The following MARS1 variants were observed in gnomAD, a reference collection of about 807,000 sequenced individuals.
MARS1 encodes the protein methionine--tRNA ligase, cytoplasmic.
Under a neutral mutation model 119.5 loss-of-function variants are expected in MARS1, and 80 were observed. The ratio of observed to expected loss-of-function variants is 0.67; its 90% confidence interval spans 0.56 to 0.81. The LOEUF (loss-of-function observed/expected upper bound fraction) is 0.81, where lower values mean the gene tolerates loss of function less well. Among genes scored for constraint, MARS1 ranks in the 30% least tolerant of loss-of-function variants. The probability of loss-of-function intolerance (pLI) is 0.00; values close to 1 mark genes in which losing one functional copy is unlikely to be tolerated. For missense variants in MARS1, 945 were observed against 1,116.5 expected (o/e 0.85, Z 2.19); for synonymous variants, 418 against 433.4 (o/e 0.96, Z 0.44).
intron 1 of MARS1, chr12:57,488,559 T>C: frequency 6.5e-7 from 1 of 1,549,594 alleles, no homozygotes. Flanking sequence ...TTTGTGTTCT[T>C]AGGAAATCCC....
intron 7 of MARS1, 123 bp from the exon 8 acceptor site, chr12:57,498,034 A>T: frequency 1.4e-6 from 1 of 703,980 alleles, no homozygotes; most frequent in Non-Finnish European, 2.6e-6. Context: ...GTGCAGAAAG[A>T]CTTCAAGTGT....
rs1877734496 is a variant in MARS1 at position 57,515,211 on chromosome 12, C to T, written c.2266C>T (p.Leu756Phe). The T allele has an allele frequency of 6.2e-7, 1 of 1,614,222 alleles. No homozygotes were observed. Among genetic ancestry groups the T allele is most frequent in the Middle Eastern group, 1.6e-4 (1 of 6,062 alleles). The change falls in exon 18 of 21, where the codon CTT becomes TTT. Residue 756 changes from leucine to phenylalanine, a missense_variant. Coordinates refer to ENST00000262027, the MANE Select transcript of MARS1 (RefSeq NM_004990.4). ...TATAGCTGCCTTGCTCTCTGTCATGCTTCAGCCTTACATGCCCACGGTTAG... is the reference window on the plus strand; with the variant it reads ...TATAGCTGCCTTGCTCTCTGTCATGTTTCAGCCTTACATGCCCACGGTTAG... ...VNIAALLSVM[L>F]QPYMPTVSAT...
intron 4 of MARS1, 107 bp from the exon 5 acceptor site, chr12:57,489,789 A>T: frequency 8.8e-7 from 1 of 1,138,300 alleles, no homozygotes; most frequent in South Asian, 1.3e-5. Context: ...TAAAGTGCTT[A>T]ATACAGTGCT....
chr12:57,506,001 C>G (rs1877163273), intron 11 of MARS1, among the ~76,000 whole-genome samples: 1 of 151,592 alleles, frequency 6.6e-6, no homozygotes, highest in African/African-American at 2.4e-5. Flanking sequence ...ACGCGTTAAT[C>G]CTAACATTTT....
chr12:57,488,596 G>A (rs1221050644), intron 1 of MARS1: 1 of 1,550,938 alleles, frequency 6.4e-7, no homozygotes, highest in Admixed American at 2.0e-5. Context: ...ACACACACAC[G>A]TTCCTTTCTG....
In MARS1 at chr12:57,503,564, T is replaced by C. The variant is rs557383932; in HGVS notation, c.1294-661T>C. On this transcript the variant is annotated intron_variant, in intron 10 of 20. Coordinates refer to ENST00000262027, the MANE Select transcript of MARS1 (RefSeq NM_004990.4). ...GTGTCTTTTTCCTTTTTTTTTTTTT[T>C]GAGACAGAGTCTGCTCTGTCAGCAG... Among the ~76,000 whole-genome samples the C allele has an allele frequency of 2.9e-3, 447 of 151,540 alleles. 2 individuals are homozygous for C. Among genetic ancestry groups the C allele is most frequent in the African/African-American group, 0.011 (436 of 41,328 alleles).
In MARS1 at chr12:57,500,233, A is replaced by T. The variant is rs370202994; in HGVS notation, c.1092-88A>T. Reference sequence around the variant, plus strand: ...CTTCTGCCTGATTTCTTTGTCACTGAGTTTGGGTCCCTGGTTGGAGTGGCA... The same window carrying T: ...CTTCTGCCTGATTTCTTTGTCACTGTGTTTGGGTCCCTGGTTGGAGTGGCA... On this transcript the variant is annotated intron_variant, in intron 9 of 20. Transcript: ENST00000262027. The T allele has an allele frequency of 1.2e-4, 130 of 1,055,498 alleles. No individual in the cohort carries two copies. The African/African-American group carries it at 1.6e-3, about 13-fold the overall frequency. 65.4% of individuals were successfully genotyped at this position (1,055,498 alleles called of 1,614,324 possible).
chr12:57,507,717 A>C (rs1417358446), intron 11 of MARS1, among the ~76,000 whole-genome samples: 8 of 50,770 alleles, frequency 1.6e-4, no homozygotes, highest in Non-Finnish European at 2.3e-4. Context: ...CTGGCCCCCC[A>C]CCTCCCTCCC....
intron 11 of MARS1, among the ~76,000 whole-genome samples, chr12:57,504,835 C>T (rs1877106293): frequency 6.6e-6 from 1 of 151,054 alleles, no homozygotes; most frequent in African/African-American, 2.4e-5. Context: ...TCCAGAATAG[C>T]TGGGATTACA....
rs1876743805 is a variant in MARS1 at position 57,498,363 on chromosome 12, C to G, written c.888-57C>G. The G allele has an allele frequency of 3.1e-6, 5 of 1,597,468 alleles. No homozygotes were observed. The Admixed American group carries it at 6.7e-5, about 21-fold the overall frequency. On this transcript the variant is annotated intron_variant, in intron 8 of 20. Transcript: ENST00000262027. ...TTCAAGGGTGGGGCTGGGGAGATCC[C>G]AAGGACAAGGAAGCGCTGAAGCGGG...
intron 10 of MARS1, among the ~76,000 whole-genome samples, chr12:57,502,481 C>T (rs553393547): frequency 2.5e-4 from 38 of 151,962 alleles, no homozygotes; most frequent in African/African-American, 6.0e-4. Context: ...CTGAGGCGGC[C>T]GGATCACCTG....
chr12:57,494,992 T>C (rs988733280), intron 7 of MARS1, among the ~76,000 whole-genome samples: 2 of 152,114 alleles, frequency 1.3e-5, no homozygotes, highest in Non-Finnish European at 2.9e-5. Flanking sequence ...ACCATTGTCA[T>C]CATGGCCCGT....
Position 57,514,864 on chromosome 12 carries a change from C to T in MARS1, c.2099+13C>T, listed in dbSNP as rs1471902859. The stretch of plus-strand genomic sequence containing the variant: ...TTGAGAAGGTTCGGTAAGTAACTGA[C>T]ACCTCTGTCTTTTCTGCTGGCATGT... On this transcript the variant is annotated intron_variant, in intron 16 of 20. Transcript: ENST00000262027. 1.2e-6 allele frequency: 2 copies of T among 1,613,420 alleles called. No homozygotes were observed. Among genetic ancestry groups the T allele is most frequent in the Non-Finnish European group, 8.5e-7 (1 of 1,179,550 alleles).
intron 11 of MARS1, among the ~76,000 whole-genome samples, chr12:57,510,256 G>C (rs1877442674): frequency 6.6e-6 from 1 of 151,614 alleles, no homozygotes; most frequent in South Asian, 2.1e-4. Context: ...GGCGGATCAT[G>C]AGGTCAATAG....
intron 11 of MARS1, among the ~76,000 whole-genome samples, chr12:57,506,224 A>G (rs1360963861): frequency 6.6e-6 from 1 of 152,130 alleles, no homozygotes; most frequent in African/African-American, 2.4e-5. Context: ...GAACCATTGC[A>G]CTGCAGCTTG....
At chr12:57,516,125 C>T (rs769221999) in intron 19 of MARS1, 120 bp from the exon 20 acceptor site, 1 of 1,358,658 alleles carries the variant, frequency 7.4e-7, no homozygotes, top group Non-Finnish European at 1.1e-6. Context: ...GTTTTTCTTT[C>T]CTGTCTTAAC....
chr12:57,492,442 G>A (rs954747039), intron 7 of MARS1, among the ~76,000 whole-genome samples: 4 of 151,810 alleles, frequency 2.6e-5, no homozygotes, highest in East Asian at 1.9e-4. Flanking sequence ...AGGCCAAGGC[G>A]GCAGATCACC....
intron 4 of MARS1, 41 bp downstream of exon 4, chr12:57,489,599 G>GCCAC: frequency 6.2e-7 from 1 of 1,612,714 alleles, no homozygotes; most frequent in Non-Finnish European, 8.5e-7. Flanking sequence ...AAGGCTTATG[G>GCCAC]TGTAAGGATT....
At chr12:57,497,354 A>G (rs948693395) in intron 7 of MARS1, among the ~76,000 whole-genome samples, 5 of 152,194 alleles carry the variant, frequency 3.3e-5, no homozygotes, top group African/African-American at 1.2e-4. Flanking sequence ...GCAGCTGGGA[A>G]GAAGGGTTGA....
Sources: allele counts gnomAD v4.1 joint callset (sites outside exome capture counted in the v4.1 genomes callset), GRCh38; gene constraint gnomAD v4.1.1; transcripts MANE v1.5; gene names NCBI Gene and HGNC (gene_info 2026-07-23, HGNC 2026-07-21).